The following YAE1 variants were observed in gnomAD, a reference collection of about 807,000 sequenced individuals.
YAE1 encodes the protein protein YAE1 homolog.
In YAE1, 22 loss-of-function variants were observed where a neutral mutation model predicts 23.0. The ratio of observed to expected loss-of-function variants is 0.96; its 90% CI spans 0.68 to 1.37. The LOEUF (loss-of-function observed/expected upper bound fraction) is 1.37. Among genes scored for constraint, YAE1 ranks in the 40% most tolerant of loss-of-function variants. The pLI is 0.00. For missense variants in YAE1, 260 were observed against 262.1 expected, an observed-to-expected ratio of 0.99 and a Z score of 0.06; for synonymous variants, 101 against 97.0, an observed-to-expected ratio of 1.04 and a Z score of -0.24.
chr7:39,569,909 TATTGTA>T, intron 1 of YAE1: 1 of 1,199,786 alleles, frequency 8.3e-7, no homozygotes, highest in Non-Finnish European at 1.2e-6. Context: ...GAAGAACAGT[TATTGTA>T]AACTGTCCAG....
chr7:39,582,446 C>T (rs1451339246), intron 2 of YAE1, among the ~76,000 whole-genome samples: 1 of 152,138 alleles, frequency 6.6e-6, no homozygotes, highest in Non-Finnish European at 1.5e-5. Flanking sequence ...TCATTTAATT[C>T]ATTTGTAGAA....
intron 1 of YAE1, among the ~76,000 whole-genome samples, chr7:39,567,558 A>AT (rs111505872): frequency 0.059 from 9,019 of 151,892 alleles, 549 homozygotes; most frequent in African/African-American, 0.15. Context: ...CAGATGTGTA[A>AT]TTTTCCATAT....
At chr7:39,570,370 T>C (rs1377540071) in intron 1 of YAE1, 136 bp from the exon 2 acceptor site, 1 of 992,876 alleles carries the variant, frequency 1.0e-6, no homozygotes, top group Non-Finnish European at 1.5e-6. Flanking sequence ...TTTAGTTATA[T>C]TGTTATGCCA....
At chr7:39,591,034 C>G (rs1790893976) in intron 2 of YAE1, among the ~76,000 whole-genome samples, 1 of 152,178 alleles carries the variant, frequency 6.6e-6, no homozygotes, top group African/African-American at 2.4e-5. Flanking sequence ...TGTTGGCAGG[C>G]TTGGTTCCTT....
intron 2 of YAE1, among the ~76,000 whole-genome samples, chr7:39,585,324 G>T (rs972127377): frequency 6.6e-6 from 1 of 152,144 alleles, no homozygotes; most frequent in Non-Finnish European, 1.5e-5. Context: ...GACTGTATTT[G>T]GAGATAGAAG....
Position 39,569,797 on chromosome 7 carries a change from TACTCTTCC to T in YAE1, c.130-702_130-695del, listed in dbSNP as rs144677170. ...ACAAACCATGATGAAACGGGTTCAATACTCTTCCACTCTTTATCACTTATAAAGTTTAT... is the reference window on the plus strand; with the variant it reads ...ACAAACCATGATGAAACGGGTTCAATACTCTTTATCACTTATAAAGTTTAT... On this transcript the variant is annotated intron_variant, in intron 1 of 2. Coordinates refer to ENST00000223273, the MANE Select transcript of YAE1 (RefSeq NM_020192.5). 11,055 of 770,764 alleles carry T rather than the reference TACTCTTCC, an allele frequency of 0.014. 807 individuals are homozygous for T. In the African/African-American group the frequency reaches 0.16, roughly 11 times the overall value. 47.7% of individuals were successfully genotyped at this position (770,764 alleles called of 1,614,324 possible). A position where few individuals can be genotyped will look rare whatever the true frequency, so the allele number is the denominator to read the frequency against.
In YAE1 at chr7:39,570,582, G is replaced by A. The variant is rs1291160662; in HGVS notation, c.206G>A (p.Gly69Asp). 1.9e-6 allele frequency: 3 copies of A among 1,608,542 alleles called. No individual in the cohort carries two copies. Among genetic ancestry groups the A allele is most frequent in the Admixed American group, 1.7e-5 (1 of 58,072 alleles). ...QQGFNQGYKKGAEVILNYGRL... is the reference protein window; with the variant it reads ...QQGFNQGYKKDAEVILNYGRL... ...GGCTTCAATCAAGGTTATAAGAAAG[G>A]TGCAGAAGTCATTTTAAACTATGGA... is the stretch of plus-strand genomic sequence containing the variant. The change falls in exon 2 of 3, where the codon GGT (glycine) becomes GAT (aspartate). Residue 69 changes from glycine to aspartate, a missense_variant. Gly to Asp is a moderately conservative substitution (Grantham distance 94, BLOSUM62 -1). Transcript: ENST00000223273.
chr7:39,584,334 T>C (rs914869070), intron 2 of YAE1, among the ~76,000 whole-genome samples: 2 of 152,176 alleles, frequency 1.3e-5, no homozygotes, highest in Non-Finnish European at 2.9e-5. Flanking sequence ...GCAATAGTTA[T>C]GGGGAGGAGA....
rs998416558 is a variant in YAE1 at position 39,603,142 on chromosome 7, G to A, written c.252-6475G>A. 2.1e-4 allele frequency among the ~76,000 whole-genome samples: 16 copies of A among 77,734 alleles called. No individual in the cohort carries two copies. In the South Asian group the frequency reaches 4.7e-3, roughly 23 times the overall value. 51.0% of individuals were successfully genotyped at this position (77,734 alleles called of 152,430 possible). A position where few individuals can be genotyped will look rare whatever the true frequency, so the allele number is the denominator to read the frequency against. On this transcript the variant is annotated intron_variant, in intron 2 of 2. Transcript: ENST00000432096. The stretch of plus-strand genomic sequence containing the variant: ...ATTTAGCAGAGCATGTGATGAGTTT[G>A]TTTATTTGTTTGTTTGTTTGTTTTT...
downstream of YAE1, among the ~76,000 whole-genome samples, chr7:39,610,756 G>T (rs1791201388): frequency 6.6e-6 from 1 of 152,172 alleles, no homozygotes; most frequent in African/African-American, 2.4e-5. Context: ...GATACTTAAT[G>T]CTTTGTGACT....
chr7:39,602,797 G>C (rs1001317922), intron 2 of YAE1, among the ~76,000 whole-genome samples: 2 of 152,212 alleles, frequency 1.3e-5, no homozygotes. Flanking sequence ...CATCCAGGCT[G>C]GAGTGCCGTG....
chr7:39,598,432 G>C (rs1428228246), intron 2 of YAE1, among the ~76,000 whole-genome samples: 5 of 141,258 alleles, frequency 3.5e-5, no homozygotes, highest in African/African-American at 1.2e-4. Flanking sequence ...TTTTTTTTAA[G>C]GAAGTGTTGA....
intron 2 of YAE1, among the ~76,000 whole-genome samples, chr7:39,594,483 C>T (rs886453674): frequency 6.6e-6 from 1 of 152,184 alleles, no homozygotes; most frequent in African/African-American, 2.4e-5. Flanking sequence ...CATTTTCTGC[C>T]TACTTTGGTC....
chr7:39,598,981 G>A (rs1414681930), intron 2 of YAE1, among the ~76,000 whole-genome samples: 2 of 152,070 alleles, frequency 1.3e-5, no homozygotes, highest in Admixed American at 1.3e-4. Context: ...GCCATCTTAG[G>A]TTTAAATTCT....
intron 1 of YAE1, chr7:39,569,427 T>C (rs1422762524): frequency 6.2e-6 from 3 of 482,002 alleles, no homozygotes; most frequent in South Asian, 1.7e-5. Flanking sequence ...TGGCATTCTG[T>C]GGAAAGTCTT....
chr7:39,609,903 G>A (rs1414759292), exon 3 of YAE1: 2 of 1,530,614 alleles, frequency 1.3e-6, no homozygotes, highest in Non-Finnish European at 8.7e-7. Context: ...AGCCTGCCCC[G>A]CCTGGCCGCC....
At chr7:39,595,660 G>T (rs1041064643) in intron 2 of YAE1, among the ~76,000 whole-genome samples, 4 of 152,172 alleles carry the variant, frequency 2.6e-5, no homozygotes, top group Non-Finnish European at 4.4e-5. Flanking sequence ...AACTCTCTCA[G>T]TAACTACTCA....
rs1158213082 is a variant in YAE1, at chr7:39,567,192, A to T, written c.129+645A>T. Among the ~76,000 whole-genome samples, 4 of 152,278 alleles carry T rather than the reference A, an allele frequency of 2.6e-5. No individual in the cohort carries two copies. In the East Asian group the frequency reaches 7.7e-4, roughly 29 times the overall value. ...AGTGAGGTCCACATCCACTTAATAT[A>T]TTTGCCAACCATTAAATTGCCGCTA... On this transcript the variant is annotated intron_variant, in intron 1 of 2. Coordinates refer to ENST00000223273, the MANE Select transcript of YAE1 (RefSeq NM_020192.5).
chr7:39,603,255 C>T (rs1269943270), intron 2 of YAE1, among the ~76,000 whole-genome samples: 1 of 152,202 alleles, frequency 6.6e-6, no homozygotes, highest in Non-Finnish European at 1.5e-5. Context: ...TCTCCTGCGT[C>T]AGCCTCCCGA....
Sources: gnomAD v4.1 joint callset for allele counts (sites outside exome capture counted in the v4.1 genomes callset) on GRCh38, gnomAD v4.1.1 for gene constraint, MANE v1.5 for transcripts, NCBI Gene and HGNC (gene_info 2026-07-23, HGNC 2026-07-21) for gene names.